The following PCDHA2 variants were observed in gnomAD, a reference collection of about 807,000 sequenced individuals.
PCDHA2 encodes the protein protocadherin alpha 2.
PCDHA2 carries 58 observed loss-of-function variants against 66.0 expected under a neutral mutation model. The ratio of observed to expected loss-of-function variants is 0.88; its 90% CI spans 0.71 to 1.09. PCDHA2 has a LOEUF of 1.09. PCDHA2 is among the 50% of genes least tolerant of loss of function. The probability of loss-of-function intolerance (pLI) is 0.00; values close to 1 mark genes in which losing one functional copy is unlikely to be tolerated. For missense variants in PCDHA2, 1,267 were observed against 1,242.3 expected, an observed-to-expected ratio of 1.02 and a Z score of -0.30; for synonymous variants, 634 against 554.0, an observed-to-expected ratio of 1.14 and a Z score of -2.03.
At chr5:140,924,901 A>AT (rs1554202312) in intron 1 of PCDHA2, among the ~76,000 whole-genome samples, 3 of 80,456 alleles carry the variant, frequency 3.7e-5, no homozygotes, top group African/African-American at 8.6e-5. Context: ...TCTCAAAAAA[A>AT]AAAATAAAAT....
At chr5:140,944,407 G>A (rs1384591675) in intron 1 of PCDHA2, among the ~76,000 whole-genome samples, 2 of 152,036 alleles carry the variant, frequency 1.3e-5, no homozygotes, top group East Asian at 1.9e-4. Context: ...GGCTGGTCTC[G>A]AACTCCTGAT....
intron 1 of PCDHA2, among the ~76,000 whole-genome samples, chr5:140,923,770 G>C (rs1554201580): frequency 6.6e-6 from 1 of 152,152 alleles, no homozygotes; most frequent in East Asian, 1.9e-4. Context: ...AATCCTACTG[G>C]GTGGATGGTT....
At chr5:140,964,841 T>G (rs2095857355) in intron 1 of PCDHA2, among the ~76,000 whole-genome samples, 2 of 152,190 alleles carry the variant, frequency 1.3e-5, no homozygotes, top group Non-Finnish European at 2.9e-5. Context: ...CTTCCTACTC[T>G]GTACCCTTGA....
At chr5:140,801,381 C>T in intron 1 of PCDHA2, 1 of 1,613,546 alleles carries the variant, frequency 6.2e-7, no homozygotes, top group African/African-American at 1.3e-5. Context: ...GCTGGTGCCG[C>T]GCCTGTTCCG....
rs116577362 is a variant in PCDHA2 at position 140,863,312 on chromosome 5, T to G, written c.2388+65960T>G. On this transcript the variant is annotated intron_variant, in intron 1 of 3. Transcript: ENST00000526136. ...TACCTGATCATCGCCATCTGCGTGGTGTCCAGCCTGTTAGTGCTCACGTTG... is the reference window on the plus strand; with the variant it reads ...TACCTGATCATCGCCATCTGCGTGGGGTCCAGCCTGTTAGTGCTCACGTTG... 14,488 of 1,456,150 alleles carry G rather than the reference T, an allele frequency of 9.9e-3. 118 individuals are homozygous for G. The highest frequency in any genetic ancestry group is 0.011 in the Non-Finnish European group (11,650 of 1,073,394). 90.2% of individuals were successfully genotyped at this position (1,456,150 alleles called of 1,614,324 possible). A position where few individuals can be genotyped will look rare whatever the true frequency, so the allele number is the denominator to read the frequency against.
intron 3 of PCDHA2, among the ~76,000 whole-genome samples, chr5:140,989,866 T>G (rs2097364293): frequency 6.6e-6 from 1 of 152,012 alleles, no homozygotes; most frequent in South Asian, 2.1e-4. Flanking sequence ...GGAATCTTTC[T>G]CTGCCTCAGC....
chr5:140,980,598 C>G (rs574589264), intron 2 of PCDHA2, among the ~76,000 whole-genome samples: 1 of 152,152 alleles, frequency 6.6e-6, no homozygotes, highest in South Asian at 2.1e-4. Flanking sequence ...CCACTGCACT[C>G]CAGCCTGGCG....
Position 140,969,193 on chromosome 5 carries a change from C to T in PCDHA2, c.2389-9756C>T, listed in dbSNP as rs1232655466. The T allele has an allele frequency of 8.1e-6, 13 of 1,614,002 alleles. No homozygotes were observed. In the African/African-American group the frequency reaches 1.2e-4, roughly 15 times the overall value. ...CAGGGAGTGACACTTTCATGTTTTA[C>T]AATACAGGGGCCCAGACAGGACCAG... is the stretch of plus-strand genomic sequence containing the variant. On this transcript the variant is annotated intron_variant, in intron 1 of 3. Transcript: ENST00000526136.
Position 140,796,471 on chromosome 5 carries a change from G to C in PCDHA2, c.1507G>C (p.Ala503Pro), listed in dbSNP as rs147855137. The change falls in exon 1 of 4, where the codon GCG (alanine) becomes CCG (proline). Residue 503 changes from alanine (A) to proline (P), a missense_variant. Transcript: ENST00000526136. ...GGTGGAGCGGCGGGTGGGCGAGCGCGCGTTGTCGAGCTACGTTTCGGTGCA... is the reference window on the plus strand; with the variant it reads ...GGTGGAGCGGCGGGTGGGCGAGCGCCCGTTGTCGAGCTACGTTTCGGTGCA... Reference protein sequence around the residue: ...SLVERRVGERALSSYVSVHAE... With the variant: ...SLVERRVGERPLSSYVSVHAE... The C allele has an allele frequency of 4.3e-6, 7 of 1,612,044 alleles. No individual in the cohort carries two copies. Among genetic ancestry groups the C allele is most frequent in the Non-Finnish European group, 5.9e-6 (7 of 1,179,820 alleles).
intron 1 of PCDHA2, among the ~76,000 whole-genome samples, chr5:140,964,412 GC>G (rs1330052602): frequency 7.9e-5 from 12 of 152,126 alleles, no homozygotes; most frequent in African/African-American, 2.9e-4. Flanking sequence ...ACATTTGGGG[GC>G]TTCCATTAAA....
At chr5:140,949,371 C>G (rs932971788) in intron 1 of PCDHA2, among the ~76,000 whole-genome samples, 1 of 151,712 alleles carries the variant, frequency 6.6e-6, no homozygotes, top group African/African-American at 2.4e-5. Flanking sequence ...GTCTAGTTGT[C>G]CTATCAATTG....
At chr5:140,989,315 C>T (rs1285439327) in intron 3 of PCDHA2, among the ~76,000 whole-genome samples, 1 of 152,130 alleles carries the variant, frequency 6.6e-6, no homozygotes, top group East Asian at 1.9e-4. Flanking sequence ...AGTAGGGTCT[C>T]ACCAACTTTG....
At chr5:140,896,450 C>T (rs1009231622) in intron 1 of PCDHA2, among the ~76,000 whole-genome samples, 1 of 152,092 alleles carries the variant, frequency 6.6e-6, no homozygotes, top group East Asian at 1.9e-4. Flanking sequence ...GCAACCTCCA[C>T]CTCCTGGGTT....
rs782749349 is a variant in PCDHA2, at chr5:140,796,625, T to C, written c.1661T>C (p.Phe554Ser). 1.4e-5 allele frequency: 23 copies of C among 1,609,150 alleles called. No homozygotes were observed. The highest frequency in any genetic ancestry group is 1.7e-5 in the Non-Finnish European group (20 of 1,178,636). ...GGCAGCAACGTGACGCTGCAGGTGT[T>C]CGTGCTGGACGAGAACGACAACGCG... ...PLGSNVTLQV[F>S]VLDENDNAPA... The change falls in exon 1 of 4, where the codon TTC (phenylalanine) becomes TCC (serine). Residue 554 changes from phenylalanine to serine, a missense_variant. Coordinates refer to ENST00000526136, the MANE Select transcript of PCDHA2 (RefSeq NM_018905.3).
chr5:140,966,917 G>T, intron 1 of PCDHA2: 1 of 1,602,580 alleles, frequency 6.2e-7, no homozygotes, highest in Non-Finnish European at 8.5e-7. Context: ...TGTGCCAGAG[G>T]AGCAGGCACC....
intron 1 of PCDHA2, among the ~76,000 whole-genome samples, chr5:140,805,850 A>G (rs1763639602): frequency 6.6e-6 from 1 of 152,200 alleles, no homozygotes; most frequent in South Asian, 2.1e-4. Context: ...ATATGCGATC[A>G]CCTTAAATTA....
chr5:140,967,676 G>A (rs1334899934), intron 1 of PCDHA2: 3 of 1,614,104 alleles, frequency 1.9e-6, no homozygotes, highest in African/African-American at 2.7e-5. Context: ...GTCGGACCGG[G>A]AGAGGCAGCT....
chr5:140,823,314 C>T lies in PCDHA2; in HGVS notation c.2388+25962C>T, dbSNP rs1767654133. The T allele has an allele frequency of 3.1e-6, 5 of 1,612,084 alleles. No individual in the cohort carries two copies. The African/African-American group carries it at 5.3e-5, about 17-fold the overall frequency. ...GTTACGTTTCGGTGCACGCGGAGAG[C>T]GGCAAGGTGTACGCGCTGCAGCCGC... On this transcript the variant is annotated intron_variant, in intron 1 of 3. Transcript: ENST00000526136.
intron 1 of PCDHA2, 155 bp downstream of exon 1, chr5:140,797,507 T>C: frequency 1.1e-6 from 1 of 879,902 alleles, no homozygotes; most frequent in Non-Finnish European, 1.7e-6. Context: ...ATTTATTGCA[T>C]TTACTGAACA....
Sources: allele counts gnomAD v4.1 joint callset (sites outside exome capture counted in the v4.1 genomes callset), GRCh38; gene constraint gnomAD v4.1.1; transcripts MANE v1.5; gene names NCBI Gene and HGNC (gene_info 2026-07-23, HGNC 2026-07-21).